Variants in CYP51A1 observed in about 807,000 individuals in gnomAD.
The protein encoded by CYP51A1 is lanosterol 14-alpha demethylase.
A neutral mutation model predicts 53.5 loss-of-function variants in CYP51A1; 45 were observed. That is an observed-to-expected ratio of 0.84 (90% CI 0.66 to 1.08). The LOEUF (loss-of-function observed/expected upper bound fraction) is 1.08, where lower values mean the gene tolerates loss of function less well. Among genes scored for constraint, CYP51A1 ranks in the 50% least tolerant of loss-of-function variants. CYP51A1 has a pLI of 0.00. For missense variants in CYP51A1, 462 were observed against 621.7 expected, an observed-to-expected ratio of 0.74 and a Z score of 2.73; for synonymous variants, 181 against 217.7, an observed-to-expected ratio of 0.83 and a Z score of 1.48.
At chr7:92,120,842 T>C (rs776036598) in intron 7 of CYP51A1, among the ~76,000 whole-genome samples, 15 of 151,248 alleles carry the variant, frequency 9.9e-5, no homozygotes, top group Non-Finnish European at 1.8e-4. Flanking sequence ...TAAAAAAAAA[T>C]AGATGAACTC....
At chr7:92,114,119 T>C (rs536566980) in intron 9 of CYP51A1, among the ~76,000 whole-genome samples, 2 of 152,274 alleles carry the variant, frequency 1.3e-5, no homozygotes, top group East Asian at 3.9e-4. Context: ...AAAGTTTGAA[T>C]CATAAGATGG....
Position 92,126,341 on chromosome 7 carries a change from T to G in CYP51A1, c.682A>C (p.Lys228Gln), listed in dbSNP as rs142437178. 696 of 1,613,172 alleles carry G rather than the reference T, an allele frequency of 4.3e-4. 6 individuals are homozygous for G. Among genetic ancestry groups the G allele is most frequent in the South Asian group, 2.3e-3 (206 of 91,010 alleles). The change falls in exon 5 of 10, where the codon AAG (lysine) becomes CAG (glutamine). Residue 228 changes from lysine (K) to glutamine (Q), a missense_variant. Transcript: ENST00000003100. ...AAATCTGCATACAGCTGTGCTACCT[T>G]TTCATTGAGTTGACTTCTGATTTCC... is the stretch of plus-strand genomic sequence containing the variant. ...GKEIRSQLNE[K>Q]VAQLYADLDG...
In CYP51A1 at chr7:92,123,228, A is replaced by C. The variant is rs1268696350; in HGVS notation, c.978T>G (p.Ser326Arg). ...TGGCCAAAAAGAAGCCCATCCAAGC[A>C]CTAGTAGTTGAGGATGTATGCTGCC... is the stretch of plus-strand genomic sequence containing the variant. Reference protein sequence around the residue: ...LAGQHTSSTTSAWMGFFLARD... With the variant: ...LAGQHTSSTTRAWMGFFLARD... The change falls in exon 7 of 10, where the codon AGT (serine) becomes AGG (arginine). Residue 326 changes from serine (S) to arginine (R), a missense_variant. By Grantham distance (110) the Ser-to-Arg change is moderately radical. Coordinates refer to ENST00000003100, the MANE Select transcript of CYP51A1 (RefSeq NM_000786.4). 1.2e-6 allele frequency: 2 copies of C among 1,613,822 alleles called. No homozygotes were observed. Among genetic ancestry groups the C allele is most frequent in the East Asian group, 2.2e-5 (1 of 44,882 alleles).
intron 2 of CYP51A1, among the ~76,000 whole-genome samples, chr7:92,129,463 A>C (rs974162348): frequency 1.3e-5 from 2 of 152,210 alleles, no homozygotes; most frequent in Non-Finnish European, 2.9e-5. Flanking sequence ...TTAAAAACAA[A>C]TTTTACAAGA....
rs1323131550 is a variant in CYP51A1, at chr7:92,118,483, G to A, written c.1182+37C>T. ...CTATTTCTTCTTTTTGATAAAAACT[G>A]GGGGTATAGAGGGGAAGATGTAGCC... On this transcript the variant is annotated intron_variant, in intron 8 of 9. Coordinates refer to ENST00000003100, the MANE Select transcript of CYP51A1 (RefSeq NM_000786.4). 13 of 1,076,816 alleles carry A rather than the reference G, an allele frequency of 1.2e-5. 1 individual carries two copies. The Admixed American group carries it at 2.2e-4, about 18-fold the overall frequency. 66.7% of individuals were successfully genotyped at this position (1,076,816 alleles called of 1,614,324 possible).
chr7:92,134,564 A>G, upstream of CYP51A1: 1 of 582,644 alleles, frequency 1.7e-6, no homozygotes, highest in Non-Finnish European at 3.0e-6. Flanking sequence ...ACGCCCCTTA[A>G]ATAACACTCT....
At chr7:92,127,805 G>C (rs535896951) in intron 3 of CYP51A1, among the ~76,000 whole-genome samples, 174 bp from the exon 4 acceptor site, 1 of 152,248 alleles carries the variant, frequency 6.6e-6, no homozygotes, top group Admixed American at 6.5e-5. Flanking sequence ...TAAATGAATA[G>C]AGTCTAAATG....
intron 2 of CYP51A1, among the ~76,000 whole-genome samples, chr7:92,129,561 C>A (rs1209723217): frequency 6.6e-6 from 1 of 152,148 alleles, no homozygotes; most frequent in East Asian, 1.9e-4. Flanking sequence ...ATCTCACCTA[C>A]ACTAAATGAC....
intron 5 of CYP51A1, among the ~76,000 whole-genome samples, chr7:92,124,177 G>A (rs777877651): frequency 1.3e-5 from 2 of 152,184 alleles, no homozygotes; most frequent in Non-Finnish European, 2.9e-5. Flanking sequence ...CAGTTCAACA[G>A]AAAGTAGGAT....
At chr7:92,123,430 T>G in intron 6 of CYP51A1, 115 bp from the exon 7 acceptor site, 1 of 943,630 alleles carries the variant, frequency 1.1e-6, no homozygotes, top group South Asian at 1.7e-5. Flanking sequence ...GTCTCTTATA[T>G]TTGACTATCA....
Position 92,134,302 on chromosome 7 carries a change from G to A in CYP51A1, c.63C>T (p.Gly21=), listed in dbSNP as rs1481218619. ...GLLQAGGSVL[G]QAMEKVTGGN... ...CGCCTGTCACCTTCTCCATCGCCTG[G>A]CCCAGCACCGACCCACCCGCCTGCA... The change falls in exon 1 of 10, where the codon GGC becomes GGT. Residue 21 remains glycine (G), a synonymous_variant. Transcript: ENST00000003100. 23 of 1,606,244 alleles carry A rather than the reference G, an allele frequency of 1.4e-5. No homozygotes were observed. Among genetic ancestry groups the A allele is most frequent in the Non-Finnish European group, 1.9e-5 (22 of 1,175,398 alleles).
In CYP51A1 at chr7:92,113,821, T is replaced by G; in HGVS notation, c.1374A>C (p.Glu458Asp). ...FGAGRHRCIG[E>D]NFAYVQIKTI... Reference sequence around the variant, plus strand: ...TCTTAATTTGAACATAGGCAAAATTTTCCCCAATACAACGATGACGCCCTA... The same window carrying G: ...TCTTAATTTGAACATAGGCAAAATTGTCCCCAATACAACGATGACGCCCTA... Residue 458 changes from glutamate (E) to aspartate (D), a missense_variant, in exon 10 of 10, where the codon GAA becomes GAC. By Grantham distance (45) the Glu-to-Asp change is conservative. Coordinates refer to ENST00000003100, the MANE Select transcript of CYP51A1 (RefSeq NM_000786.4). The G allele has an allele frequency of 1.2e-6, 2 of 1,605,830 alleles. No homozygotes were observed. The highest frequency in any genetic ancestry group is 1.7e-6 in the Non-Finnish European group (2 of 1,177,502).
chr7:92,130,255 G>A (rs1819889742), intron 2 of CYP51A1, among the ~76,000 whole-genome samples: 1 of 152,114 alleles, frequency 6.6e-6, no homozygotes. Context: ...AGAGAACTTA[G>A]TCTCTCTGTG....
At position 92,131,881 on chromosome 7, in the gene CYP51A1, GA is replaced by G. The variant is rs1563182477; in HGVS notation, c.193-10del. ...ATGTATGGAGGACTTTTCTACAAGA[GA>G]AAAAAATAGTAAATTCAATTCGTGT... On this transcript the variant is annotated splice_polypyrimidine_tract_variant and intron_variant, in intron 1 of 9. Transcript: ENST00000003100. The G allele has an allele frequency of 6.9e-7, 1 of 1,447,218 alleles. No individual in the cohort carries two copies. Among genetic ancestry groups the G allele is most frequent in the Non-Finnish European group, 9.7e-7 (1 of 1,031,342 alleles). The allele number at this position is 1,447,218 out of a possible 1,614,324, so 89.6% of individuals were successfully genotyped here.
chr7:92,114,000 A>G (rs1320941173), intron 9 of CYP51A1, among the ~76,000 whole-genome samples, 157 bp from the exon 10 acceptor site: 4 of 152,214 alleles, frequency 2.6e-5, no homozygotes, highest in African/African-American at 9.6e-5. Flanking sequence ...GAATTATTAA[A>G]AATTCCAGGA....
In CYP51A1 at chr7:92,134,267, A is replaced by G. The variant is rs754634511; in HGVS notation, c.98T>C (p.Leu33Ser). The G allele has an allele frequency of 3.1e-6, 5 of 1,613,054 alleles. No homozygotes were observed. Among genetic ancestry groups the G allele is most frequent in the Non-Finnish European group, 4.2e-6 (5 of 1,179,656 alleles). The change falls in exon 1 of 10, where the codon TTG becomes TCG. Residue 33 changes from leucine (L) to serine (S), a missense_variant. Transcript: ENST00000003100. The part of the protein sequence containing the change: ...AMEKVTGGNL[L>S]SMLLIACAFT... ...GGCGCAGGCGATCAGCAGCATGGAC[A>G]AGAGGTTGCCGCCTGTCACCTTCTC...
chr7:92,133,624 C>A (rs1819970069), intron 1 of CYP51A1, among the ~76,000 whole-genome samples: 1 of 152,138 alleles, frequency 6.6e-6, no homozygotes, highest in Admixed American at 6.5e-5. Context: ...CCAGTCACTA[C>A]CATTACCACA....
At chr7:92,124,857 T>G (rs1231123268) in intron 5 of CYP51A1, among the ~76,000 whole-genome samples, 2 of 152,010 alleles carry the variant, frequency 1.3e-5, no homozygotes, top group African/African-American at 4.8e-5. Context: ...AAATGTACAT[T>G]TATGGGCCAG....
rs1260919528 is a variant in CYP51A1, at chr7:92,112,818, G to GACTC, written c.*843_*846dup. 1.5e-5 allele frequency: 2 copies of GACTC among 130,794 alleles called. No individual in the cohort carries two copies. The highest frequency in any genetic ancestry group is 3.1e-5 in the Non-Finnish European group (2 of 64,456). The allele number at this position is 130,794 out of a possible 1,614,324, so 8.1% of individuals were successfully genotyped here. On this transcript the variant is annotated 3_prime_UTR_variant, in exon 10 of 10. Coordinates refer to ENST00000003100, the MANE Select transcript of CYP51A1 (RefSeq NM_000786.4). Reference sequence around the variant, plus strand: ...CACTCCAGCCTGGGCAACAGAGCGAGACTCCATCTCAAAAAAAAAAAAAAA... The same window carrying GACTC: ...CACTCCAGCCTGGGCAACAGAGCGAGACTCACTCCATCTCAAAAAAAAAAAAAAA...
Sources: allele counts gnomAD v4.1 joint callset (sites outside exome capture counted in the v4.1 genomes callset), GRCh38; gene constraint gnomAD v4.1.1; transcripts MANE v1.5; gene names NCBI Gene and HGNC (gene_info 2026-07-23, HGNC 2026-07-21).